The following GAS7 variants were observed in gnomAD, a reference collection of about 807,000 sequenced individuals.
GAS7 encodes the protein growth arrest-specific protein 7.
A neutral mutation model predicts 71.1 loss-of-function variants in GAS7; 28 were observed. The ratio of observed to expected loss-of-function variants is 0.39; its 90% CI spans 0.29 to 0.54. GAS7 has a LOEUF of 0.54. Ranked by LOEUF, GAS7 falls within the 20% of genes least tolerant of loss-of-function variation. GAS7 has a pLI of 0.62. For missense variants in GAS7, 436 were observed against 627.8 expected (o/e 0.69, Z 3.27); for synonymous variants, 258 against 245.8 (o/e 1.05, Z -0.46).
intron 1 of GAS7, among the ~76,000 whole-genome samples, chr17:10,145,276 ACT>A (rs2074113279): frequency 6.6e-6 from 1 of 152,070 alleles, no homozygotes; most frequent in Non-Finnish European, 1.5e-5. Flanking sequence ...GAAAGAAAAC[ACT>A]CTCTGTATAT....
At chr17:10,181,971 C>T (rs2074420255) in intron 1 of GAS7, among the ~76,000 whole-genome samples, 2 of 152,194 alleles carry the variant, frequency 1.3e-5, no homozygotes, top group South Asian at 4.1e-4. Context: ...AATGCCATGG[C>T]AATGACTGGA....
At chr17:10,176,023 A>G (rs1179409138) in intron 1 of GAS7, among the ~76,000 whole-genome samples, 6 of 152,080 alleles carry the variant, frequency 3.9e-5, no homozygotes, top group Non-Finnish European at 7.4e-5. Flanking sequence ...GAACCCTCTG[A>G]TCCTAGGGAC....
At position 10,041,875 on chromosome 17, in the gene GAS7, C is replaced by T. The variant is rs924847152; in HGVS notation, c.184-21978G>A. ...CCAACCTGAGTTTTCCTGAGTTCAACGGCATCAGATAAGACCAACCCTCTT... is the reference window on the plus strand; with the variant it reads ...CCAACCTGAGTTTTCCTGAGTTCAATGGCATCAGATAAGACCAACCCTCTT... On this transcript the variant is annotated intron_variant, in intron 1 of 13. Transcript: ENST00000432992. Among the ~76,000 whole-genome samples, 3 of 152,262 alleles carry T rather than the reference C, an allele frequency of 2.0e-5. 1 individual carries two copies. The South Asian group carries it at 6.2e-4, about 32-fold the overall frequency.
At chr17:9,927,923 G>A (rs1017775420) in intron 9 of GAS7, among the ~76,000 whole-genome samples, 2 of 152,062 alleles carry the variant, frequency 1.3e-5, no homozygotes, top group African/African-American at 4.8e-5. Flanking sequence ...CAGGCAAAGG[G>A]AACCGCCCTG....
chr17:10,046,430 G>A (rs1352025434), intron 1 of GAS7, among the ~76,000 whole-genome samples: 1 of 151,348 alleles, frequency 6.6e-6, no homozygotes, highest in Admixed American at 6.6e-5. Context: ...TGAGGCCAAT[G>A]AAGGAAATGC....
intron 1 of GAS7, among the ~76,000 whole-genome samples, chr17:10,064,254 A>T (rs1443363786): frequency 6.6e-6 from 1 of 152,128 alleles, no homozygotes. Context: ...GTCTCGTGCC[A>T]GAGGCTGGGG....
intron 1 of GAS7, among the ~76,000 whole-genome samples, chr17:10,028,702 G>GAT (rs1404214430): frequency 6.6e-6 from 1 of 151,256 alleles, no homozygotes; most frequent in Admixed American, 6.6e-5. Flanking sequence ...AAACCAAAAT[G>GAT]ATATAAAAAA....
intron 2 of GAS7, among the ~76,000 whole-genome samples, chr17:9,993,793 C>A (rs1156574232): frequency 1.3e-5 from 2 of 151,236 alleles, no homozygotes; most frequent in African/African-American, 4.9e-5. Flanking sequence ...ATTGTCTCAG[C>A]CCAAAATCTC....
chr17:10,134,664 C>T (rs1485793249), intron 1 of GAS7, among the ~76,000 whole-genome samples: 1 of 152,098 alleles, frequency 6.6e-6, no homozygotes, highest in Non-Finnish European at 1.5e-5. Flanking sequence ...TGGCTTCCCC[C>T]AGGAAAGAAT....
chr17:10,163,777 T>C (rs2074273299), intron 1 of GAS7, among the ~76,000 whole-genome samples: 1 of 152,028 alleles, frequency 6.6e-6, no homozygotes, highest in African/African-American at 2.4e-5. Flanking sequence ...AGAGCTCATG[T>C]TGAGTTACAG....
intron 1 of GAS7, among the ~76,000 whole-genome samples, chr17:10,028,853 T>C (rs1251144833): frequency 6.6e-6 from 1 of 152,174 alleles, no homozygotes; most frequent in Non-Finnish European, 1.5e-5. Flanking sequence ...AGAATTGTTT[T>C]TTCCCCAGAA....
At position 9,959,560 on chromosome 17, in the gene GAS7, G is replaced by T; in HGVS notation, c.472-305C>A. On this transcript the variant is annotated intron_variant, in intron 4 of 13. Transcript: ENST00000432992. The surrounding 1 kb of genome is among the most constrained non-coding windows in gnomAD (Gnocchi z 5.0). ...GATTTGGGGAGTTAACCCCTCCGCTGCCCTCTGCTGGTGAACGTTCCGCGT... is the reference window on the plus strand; with the variant it reads ...GATTTGGGGAGTTAACCCCTCCGCTTCCCTCTGCTGGTGAACGTTCCGCGT... 2.4e-6 allele frequency: 2 copies of T among 823,746 alleles called. No individual in the cohort carries two copies. The highest frequency in any genetic ancestry group is 3.4e-6 in the Non-Finnish European group (2 of 596,054). The allele number at this position is 823,746 out of a possible 1,614,324, so 51.0% of individuals were successfully genotyped here.
chr17:10,107,952 G>GA (rs1366734049), intron 1 of GAS7, among the ~76,000 whole-genome samples: 1 of 151,688 alleles, frequency 6.6e-6, no homozygotes, highest in Non-Finnish European at 1.5e-5. Context: ...ACAGTCCAGT[G>GA]GGAGCTGGGC....
intron 1 of GAS7, among the ~76,000 whole-genome samples, chr17:10,074,310 A>G (rs944305027): frequency 1.3e-5 from 2 of 152,024 alleles, no homozygotes; most frequent in Admixed American, 6.5e-5. Flanking sequence ...CAAACTTTGC[A>G]TTTATAGAGT....
intron 1 of GAS7, among the ~76,000 whole-genome samples, chr17:10,116,715 T>C (rs1215306146): frequency 6.6e-6 from 1 of 152,172 alleles, no homozygotes; most frequent in Non-Finnish European, 1.5e-5. Context: ...CGACACAGGT[T>C]TCTTGAACAC....
At chr17:10,056,115 C>G (rs928549127) in intron 1 of GAS7, among the ~76,000 whole-genome samples, 1 of 152,002 alleles carries the variant, frequency 6.6e-6, no homozygotes, top group East Asian at 1.9e-4. Context: ...TGGTTGATAT[C>G]TATAATCCCA....
Position 9,919,629 on chromosome 17 carries a change from T to G in GAS7, c.1215A>C (p.Thr405=). 1 of 1,609,498 alleles carries G rather than the reference T, an allele frequency of 6.2e-7. No individual in the cohort carries two copies. The highest frequency in any genetic ancestry group is 8.5e-7 in the Non-Finnish European group (1 of 1,175,786). ...SKWFEEMVTT[T]LELERLEVER... is the part of the protein sequence containing the mutation. ...CCACACATCCCTGCCCGCTTACCAA[T>G]GTGGTGGTCACCATCTCTTCAAACC... The change falls in exon 12 of 14, where the codon ACA becomes ACC. Residue 405 remains threonine, a synonymous_variant. Coordinates refer to ENST00000432992, the MANE Select transcript of GAS7 (RefSeq NM_201433.2). The surrounding 1 kb of genome is among the most constrained non-coding windows in gnomAD (Gnocchi z 5.0).
chr17:10,027,218 A>C (rs2072486075), intron 1 of GAS7: 1 of 146,040 alleles, frequency 6.8e-6, no homozygotes, highest in Admixed American at 7.0e-5. Flanking sequence ...CACAGTGCCC[A>C]GAACAATGAA....
intron 5 of GAS7, among the ~76,000 whole-genome samples, chr17:9,954,137 G>A (rs1472909800): frequency 6.6e-6 from 1 of 152,210 alleles, no homozygotes; most frequent in African/African-American, 2.4e-5. Flanking sequence ...GACTCAGGAT[G>A]AGAGGATATG....
Sources: allele counts gnomAD v4.1 joint callset (sites outside exome capture counted in the v4.1 genomes callset), GRCh38; gene constraint gnomAD v4.1.1; non-coding constraint Gnocchi (gnomAD v3.1); transcripts MANE v1.5; gene names NCBI Gene and HGNC (gene_info 2026-07-23, HGNC 2026-07-21).